The following ACSS3 variants were observed in gnomAD, a reference collection of about 807,000 sequenced individuals.
ACSS3 encodes acyl-CoA synthetase short chain family member 3.
Under a neutral mutation model 84.2 loss-of-function variants are expected in ACSS3, and 64 were observed. That is an observed-to-expected ratio of 0.76 (90% CI 0.62 to 0.94). The LOEUF (loss-of-function observed/expected upper bound fraction) is 0.94. ACSS3 is among the 40% of genes least tolerant of loss of function. The pLI is 0.00. For synonymous variants in ACSS3, 317 were observed against 310.1 expected, an observed-to-expected ratio of 1.02 and a Z score of -0.23; for missense variants, 815 against 867.6, an observed-to-expected ratio of 0.94 and a Z score of 0.76.
intron 2 of ACSS3, among the ~76,000 whole-genome samples, chr12:81,132,197 G>A (rs1037197387): frequency 3.9e-4 from 60 of 152,148 alleles, no homozygotes; most frequent in African/African-American, 1.4e-3. Flanking sequence ...GTTTCAGAAG[G>A]AATGGTACCA....
rs957033990 is a variant in ACSS3 at position 81,152,198 on chromosome 12, G to A, written c.1098+102G>A. On this transcript the variant is annotated intron_variant, in intron 7 of 15. Coordinates refer to ENST00000548058, the MANE Select transcript of ACSS3 (RefSeq NM_024560.4). Reference sequence around the variant, plus strand: ...GATCAGAAAAATTGGGGTGGGGACAGGGGACATTATTATATCTTCTTCCAG... The same window carrying A: ...GATCAGAAAAATTGGGGTGGGGACAAGGGACATTATTATATCTTCTTCCAG... The A allele has an allele frequency of 3.6e-6, 3 of 833,368 alleles. No homozygotes were observed. In the South Asian group the frequency reaches 5.7e-5, roughly 16 times the overall value. 51.6% of individuals were successfully genotyped at this position (833,368 alleles called of 1,614,324 possible). A position where few individuals can be genotyped will look rare whatever the true frequency, so the allele number is the denominator to read the frequency against.
Position 81,260,689 on chromosome 12 carries a change from TAAGCCCAA to T in ACSS3, c.*5771_*5778del, listed in dbSNP as rs2035156633. 6.6e-6 allele frequency: 1 copy of T among 152,186 alleles called. No homozygotes were observed. Among genetic ancestry groups the T allele is most frequent in the African/African-American group, 2.4e-5 (1 of 41,454 alleles). 9.4% of individuals were successfully genotyped at this position (152,186 alleles called of 1,614,324 possible). On this transcript the variant is annotated 3_prime_UTR_variant, in exon 16 of 16. Transcript: ENST00000548058. ...TAAGGCAGCATATCTGCTCCCATCC[TAAGCCCAA>T]AAGACCAACAATAAATTGTGTGGCA...
chr12:81,152,387 A>G (rs1239604589), intron 7 of ACSS3, among the ~76,000 whole-genome samples: 3 of 152,198 alleles, frequency 2.0e-5, no homozygotes, highest in Admixed American at 6.5e-5. Context: ...TACTGATTTT[A>G]GAGTCCTAGA....
chr12:81,146,235 A>T (rs1328764932), intron 5 of ACSS3, among the ~76,000 whole-genome samples: 1 of 152,124 alleles, frequency 6.6e-6, no homozygotes, highest in South Asian at 2.1e-4. Flanking sequence ...ATGATCTCTT[A>T]CTTCTCTAGT....
chr12:81,120,243 G>A (rs1764498143), intron 2 of ACSS3, among the ~76,000 whole-genome samples: 1 of 152,134 alleles, frequency 6.6e-6, no homozygotes, highest in Admixed American at 6.6e-5. Flanking sequence ...GACAAATTAA[G>A]TAGGAAACAA....
chr12:81,155,037 G>GA (rs1238338452), intron 7 of ACSS3, among the ~76,000 whole-genome samples: 3 of 152,082 alleles, frequency 2.0e-5, no homozygotes, highest in African/African-American at 7.2e-5. Flanking sequence ...GTCTGTCACT[G>GA]AGCTGGCCAC....
intron 11 of ACSS3, among the ~76,000 whole-genome samples, chr12:81,226,986 C>T (rs1312489832): frequency 6.6e-6 from 1 of 151,370 alleles, no homozygotes; most frequent in African/African-American, 2.4e-5. Flanking sequence ...CACACACACA[C>T]ACACATATAT....
intron 3 of ACSS3, among the ~76,000 whole-genome samples, chr12:81,135,581 G>A (rs974784321): frequency 6.6e-6 from 1 of 151,316 alleles, no homozygotes; most frequent in African/African-American, 2.4e-5. Flanking sequence ...AACAACTCAG[G>A]AACAGAAAAC....
chr12:81,237,057 A>C (rs1278819460), intron 13 of ACSS3, among the ~76,000 whole-genome samples: 1 of 151,494 alleles, frequency 6.6e-6, no homozygotes, highest in Non-Finnish European at 1.5e-5. Flanking sequence ...AATGTCTTTA[A>C]TCAAAACTCT....
intron 2 of ACSS3, among the ~76,000 whole-genome samples, chr12:81,111,505 C>T (rs541910004): frequency 6.6e-6 from 1 of 152,262 alleles, no homozygotes; most frequent in African/African-American, 2.4e-5. Context: ...AGCACCATCC[C>T]CCTAACAGTC....
chr12:81,195,754 T>G (rs1289346274), intron 8 of ACSS3, among the ~76,000 whole-genome samples: 1 of 152,092 alleles, frequency 6.6e-6, no homozygotes, highest in East Asian at 1.9e-4. Context: ...TTCAAAAAAT[T>G]TCTTAACAAT....
chr12:81,170,523 TTTA>T (rs1477127708), intron 7 of ACSS3, among the ~76,000 whole-genome samples: 1 of 152,154 alleles, frequency 6.6e-6, no homozygotes, highest in Non-Finnish European at 1.5e-5. Context: ...CCTTTCTGCC[TTTA>T]TTATCTAGGA....
chr12:81,244,626 A>T (rs1295560630), intron 13 of ACSS3, among the ~76,000 whole-genome samples: 1 of 152,236 alleles, frequency 6.6e-6, no homozygotes, highest in East Asian at 1.9e-4. Context: ...AAGCACCAAG[A>T]TTCTTCTTTC....
In ACSS3 at chr12:81,216,979, G is replaced by A. The variant is rs781051176; in HGVS notation, c.1433G>A (p.Ser478Asn). The A allele has an allele frequency of 1.9e-5, 31 of 1,610,392 alleles. 1 individual carries two copies. The South Asian group carries it at 3.4e-4, about 18-fold the overall frequency. ...CCTCCACCAGGGCAAGCAGGAAAAA[G>A]CGTCCCAGGATACAATGGTAAGGAA... ...KTPPPGQAGK[S>N]VPGYNVMILD... Residue 478 changes from serine to asparagine, a missense_variant, in exon 10 of 16, where the codon AGC becomes AAC. Coordinates refer to ENST00000548058, the MANE Select transcript of ACSS3 (RefSeq NM_024560.4).
rs186442485 is a variant in ACSS3 at position 81,081,484 on chromosome 12, A to G, written c.311+3053A>G. Among the ~76,000 whole-genome samples the G allele has an allele frequency of 2.4e-3, 361 of 152,314 alleles. 3 individuals are homozygous for G. Among genetic ancestry groups the G allele is most frequent in the Non-Finnish European group, 2.5e-3 (173 of 68,026 alleles). Reference sequence around the variant, plus strand: ...TAGAGAGACTTCAGTGGAGAACTGCAATCATAGTAATTTCTTCAGTCCTGG... The same window carrying G: ...TAGAGAGACTTCAGTGGAGAACTGCGATCATAGTAATTTCTTCAGTCCTGG... On this transcript the variant is annotated intron_variant, in intron 1 of 15. Coordinates refer to ENST00000548058, the MANE Select transcript of ACSS3 (RefSeq NM_024560.4).
chr12:81,254,763 T>C (rs1307220283), intron 15 of ACSS3, 94 bp from the exon 16 acceptor site: 10 of 989,238 alleles, frequency 1.0e-5, no homozygotes, highest in South Asian at 9.1e-5. Flanking sequence ...TACAAGACAA[T>C]GGGGAAAACA....
intron 11 of ACSS3, among the ~76,000 whole-genome samples, chr12:81,224,199 A>G (rs903373780): frequency 1.3e-5 from 2 of 151,994 alleles, no homozygotes; most frequent in Non-Finnish European, 2.9e-5. Flanking sequence ...GGATGAGTAT[A>G]GGTATTAACT....
At chr12:81,178,429 T>C (rs1240564102) in intron 8 of ACSS3, among the ~76,000 whole-genome samples, 4 of 150,692 alleles carry the variant, frequency 2.7e-5, no homozygotes, top group African/African-American at 9.8e-5. Context: ...CTAACCTGCA[T>C]ATTGTGCACA....
At chr12:81,078,456 G>T in intron 1 of ACSS3, 25 bp downstream of exon 1, 1 of 1,609,080 alleles carries the variant, frequency 6.2e-7, no homozygotes, top group Non-Finnish European at 8.5e-7. Flanking sequence ...TGCCAACCCT[G>T]ATCCCCCATC....
Sources: gnomAD v4.1 joint callset for allele counts (sites outside exome capture counted in the v4.1 genomes callset) on GRCh38, gnomAD v4.1.1 for gene constraint, MANE v1.5 for transcripts, NCBI Gene and HGNC (gene_info 2026-07-23, HGNC 2026-07-21) for gene names.